Variants in DLGAP4 observed in about 807,000 individuals in gnomAD.
The protein encoded by DLGAP4 is DLG associated protein 4.
DLGAP4 carries 18 observed loss-of-function variants against 86.9 expected under a neutral mutation model. The ratio of observed to expected loss-of-function variants is 0.21; its 90% CI spans 0.14 to 0.31. The LOEUF (loss-of-function observed/expected upper bound fraction) is 0.31. Ranked by LOEUF, DLGAP4 falls within the 10% of genes least tolerant of loss-of-function variation. DLGAP4 has a pLI of 1.00. For missense variants in DLGAP4, 1,085 were observed against 1,362.6 expected, an observed-to-expected ratio of 0.80 and a Z score of 3.21; for synonymous variants, 548 against 574.3, an observed-to-expected ratio of 0.95 and a Z score of 0.65.
chr20:36,334,947 C>T (rs184524867), intron 1 of DLGAP4, among the ~76,000 whole-genome samples: 5 of 152,234 alleles, frequency 3.3e-5, no homozygotes, highest in Admixed American at 1.3e-4. Context: ...GGTGGCAGAA[C>T]GCCAGGTGCC....
chr20:36,476,940 G>C (rs2034969718), intron 7 of DLGAP4, among the ~76,000 whole-genome samples: 1 of 151,640 alleles, frequency 6.6e-6, no homozygotes, highest in Admixed American at 6.6e-5. Flanking sequence ...TGATCCGCCT[G>C]CCTCAGCCTC....
At position 36,459,913 on chromosome 20, in the gene DLGAP4, C is replaced by T. The variant is rs144994969; in HGVS notation, c.1648+12976C>T. On this transcript the variant is annotated intron_variant, in intron 7 of 12. Coordinates refer to ENST00000339266, the MANE Select transcript of DLGAP4 (RefSeq NM_001365621.2). ...TGAGCCACCACACTCGGCCCAGAAT[C>T]TGCTTTTCAGTTGGTGCCCCCAGTG... 2.8e-4 allele frequency among the ~76,000 whole-genome samples: 43 copies of T among 152,340 alleles called. No individual in the cohort carries two copies. The East Asian group carries it at 7.9e-3, about 28-fold the overall frequency.
chr20:36,372,156 A>C (rs2030966350), intron 2 of DLGAP4, among the ~76,000 whole-genome samples: 2 of 152,180 alleles, frequency 1.3e-5, no homozygotes, highest in African/African-American at 4.8e-5. Context: ...GTGTGGGCTT[A>C]AGTGAGTAGA....
At chr20:36,464,526 T>G (rs934514949) in intron 7 of DLGAP4, among the ~76,000 whole-genome samples, 5 of 151,646 alleles carry the variant, frequency 3.3e-5, no homozygotes, top group African/African-American at 7.3e-5. Flanking sequence ...GCTGAGATCA[T>G]GCCACTGCAC....
At position 36,409,414 on chromosome 20, in the gene DLGAP4, C is replaced by CT. The variant is rs763499914; in HGVS notation, c.-72-22216dup. On this transcript the variant is annotated intron_variant, in intron 2 of 12. Transcript: ENST00000339266. ...TTTTTAAGACTTTTTTTTTTTAACTCTTTTTTTTTTTTTTTTAACTCTAAA... is the reference window on the plus strand; with the variant it reads ...TTTTTAAGACTTTTTTTTTTTAACTCTTTTTTTTTTTTTTTTTAACTCTAAA... Among the ~76,000 whole-genome samples the CT allele has an allele frequency of 6.5e-3, 853 of 130,616 alleles. 4 individuals carry two copies. Among genetic ancestry groups the CT allele is most frequent in the African/African-American group, 0.021 (738 of 35,202 alleles). 85.7% of individuals were successfully genotyped at this position (130,616 alleles called of 152,430 possible).
intron 7 of DLGAP4, among the ~76,000 whole-genome samples, chr20:36,481,493 C>T (rs1438231909): frequency 6.6e-6 from 1 of 152,180 alleles, no homozygotes; most frequent in Non-Finnish European, 1.5e-5. Flanking sequence ...GTGACAAGTC[C>T]GTCCCAGACA....
chr20:36,326,996 CT>C (rs377378667), intron 1 of DLGAP4, among the ~76,000 whole-genome samples: 5,516 of 99,634 alleles, frequency 0.055, 108 homozygotes, highest in African/African-American at 0.19. Flanking sequence ...AAGATTTTCT[CT>C]TTTTTTTTTT....
intron 7 of DLGAP4, chr20:36,461,994 A>C: frequency 1.0e-6 from 1 of 984,046 alleles, no homozygotes; most frequent in Non-Finnish European, 1.2e-6. Flanking sequence ...GCGCCCCCAG[A>C]TCTTTTGGGG....
At chr20:36,498,981 T>C in intron 8 of DLGAP4, 1 of 460,150 alleles carries the variant, frequency 2.2e-6, no homozygotes, top group South Asian at 2.4e-5. Context: ...CTCAGCCAAG[T>C]GTGAATAACG....
rs1555889674 is a variant in DLGAP4 at position 36,308,405 on chromosome 20, G to T, written c.-304+1893G>T. On this transcript the variant is annotated intron_variant, in intron 1 of 12. Coordinates refer to ENST00000339266, the MANE Select transcript of DLGAP4 (RefSeq NM_001365621.2). The surrounding 1 kb of genome is among the most constrained non-coding windows in gnomAD (Gnocchi z 4.5). ...TGTCCATGCTGAAGAGAAACTGTGA[G>T]CTGGACGGGACCTGATGGCTGGGTT... Among the ~76,000 whole-genome samples, 1 of 152,220 alleles carries T rather than the reference G, an allele frequency of 6.6e-6. No homozygotes were observed. Among genetic ancestry groups the T allele is most frequent in the African/African-American group, 2.4e-5 (1 of 41,458 alleles).
At chr20:36,457,557 T>C (rs1350059428) in intron 7 of DLGAP4, among the ~76,000 whole-genome samples, 1 of 152,068 alleles carries the variant, frequency 6.6e-6, no homozygotes, top group Non-Finnish European at 1.5e-5. Flanking sequence ...ATTTTTGTAT[T>C]TTTAGTAGAG....
At chr20:36,404,855 C>A (rs2032268919) in intron 2 of DLGAP4, among the ~76,000 whole-genome samples, 1 of 152,248 alleles carries the variant, frequency 6.6e-6, no homozygotes, top group Non-Finnish European at 1.5e-5. Context: ...TGGGGACCCT[C>A]ATTCCAGTAC....
In DLGAP4 at chr20:36,499,294, C is replaced by T. The variant is rs758579514; in HGVS notation, c.2011-294C>T. ...CTCTCGGAGGACAACGGACCCAAAG[C>T]GATCGATGTGATGGCACCCTCCTCA... On this transcript the variant is annotated intron_variant, in intron 8 of 12. Transcript: ENST00000339266. The T allele has an allele frequency of 1.2e-5, 20 of 1,613,678 alleles. No homozygotes were observed. Among genetic ancestry groups the T allele is most frequent in the South Asian group, 1.2e-4 (11 of 91,068 alleles).
chr20:36,501,912 C>T (rs1328604349), intron 10 of DLGAP4, among the ~76,000 whole-genome samples: 1 of 152,186 alleles, frequency 6.6e-6, no homozygotes, highest in Non-Finnish European at 1.5e-5. Context: ...AAAACAGAGA[C>T]AAGGATCAGA....
rs2033024184 is a variant in DLGAP4, at chr20:36,427,907, C to T, written c.-72-3739C>T. Among the ~76,000 whole-genome samples the T allele has an allele frequency of 2.0e-5, 3 of 152,042 alleles. No homozygotes were observed. In the South Asian group the frequency reaches 6.2e-4, roughly 32 times the overall value. On this transcript the variant is annotated intron_variant, in intron 2 of 12. Coordinates refer to ENST00000339266, the MANE Select transcript of DLGAP4 (RefSeq NM_001365621.2). ...GCAGTGAGCTGAGACCACCCCATTG[C>T]ACTCCAGCCTGGGCGACAAGAGCAA...
chr20:36,321,964 T>C (rs2065172928), intron 1 of DLGAP4, among the ~76,000 whole-genome samples: 1 of 152,198 alleles, frequency 6.6e-6, no homozygotes, highest in Non-Finnish European at 1.5e-5. Context: ...GAGTGCCCAC[T>C]TGATGCCAGA....
At chr20:36,334,619 C>T (rs73905332) in intron 1 of DLGAP4, among the ~76,000 whole-genome samples, 1 of 152,148 alleles carries the variant, frequency 6.6e-6, no homozygotes, top group African/African-American at 2.4e-5. Context: ...CTGGGGAGGT[C>T]AAGGCGAGGG....
At chr20:36,441,711 C>G (rs1040532924) in intron 5 of DLGAP4, among the ~76,000 whole-genome samples, 1 of 151,976 alleles carries the variant, frequency 6.6e-6, no homozygotes, top group African/African-American at 2.4e-5. Context: ...CTCAGTCTTC[C>G]TGTCTGTGTC....
chr20:36,497,633 A>G (rs1983741761), intron 8 of DLGAP4: 1 of 986,870 alleles, frequency 1.0e-6, no homozygotes, highest in Non-Finnish European at 1.2e-6. Context: ...GGCCCATGTC[A>G]TTGAGAAGGG....
Sources: allele counts gnomAD v4.1 joint callset (sites outside exome capture counted in the v4.1 genomes callset), GRCh38; gene constraint gnomAD v4.1.1; non-coding constraint Gnocchi (gnomAD v3.1); transcripts MANE v1.5; gene names NCBI Gene and HGNC (gene_info 2026-07-23, HGNC 2026-07-21).